MREG: variants seen among roughly 807,000 people sequenced by gnomAD.
MREG encodes melanoregulin.
Under a neutral mutation model 28.5 loss-of-function variants are expected in MREG, and 31 were observed. The ratio of observed to expected loss-of-function variants is 1.09; its 90% CI spans 0.82 to 1.47. The LOEUF (loss-of-function observed/expected upper bound fraction) is 1.47, where lower values mean the gene tolerates loss of function less well. Ranked by LOEUF, MREG falls within the 40% of genes most tolerant of loss-of-function variation. The pLI, the probability that MREG is intolerant of heterozygous loss-of-function variation, is 0.00. For synonymous variants in MREG, 106 were observed against 95.2 expected, an observed-to-expected ratio of 1.11 and a Z score of -0.66; for missense variants, 256 against 257.4, an observed-to-expected ratio of 0.99 and a Z score of 0.04.
chr2:216,029,103 T>C (rs995067706), intron 1 of MREG, among the ~76,000 whole-genome samples: 1 of 148,134 alleles, frequency 6.8e-6, no homozygotes, highest in Admixed American at 6.6e-5. Context: ...TATATTCATC[T>C]TTATTTATTT....
chr2:216,033,871 T>C (rs976169440), upstream of MREG: 3 of 152,046 alleles, frequency 2.0e-5, no homozygotes, highest in Non-Finnish European at 4.4e-5. Flanking sequence ...AAATCAGAAA[T>C]AGTGTTGTCC....
rs780110153 is a variant in MREG at position 215,996,380 on chromosome 2, G to A, written c.181C>T (p.His61Tyr). The stretch of plus-strand genomic sequence containing the variant: ...GTTCTGTCGTCGTCTGCCTCTGTGT[G>A]GGACACATCATGGGGCATACTCCAT... ...NLWSMPHDVS[H>Y]TEADDDRTLY... Residue 61 changes from histidine to tyrosine, a missense_variant, in exon 2 of 5, where the codon CAC becomes TAC. Transcript: ENST00000263268. 5 of 1,613,796 alleles carry A rather than the reference G, an allele frequency of 3.1e-6. No individual in the cohort carries two copies. Among genetic ancestry groups the A allele is most frequent in the Admixed American group, 1.7e-5 (1 of 60,004 alleles).
At chr2:215,988,800 A>C (rs1441976584) in intron 2 of MREG, among the ~76,000 whole-genome samples, 1 of 152,214 alleles carries the variant, frequency 6.6e-6, no homozygotes, top group Non-Finnish European at 1.5e-5. Context: ...GGGTGGAGCC[A>C]CTGCAGTTCA....
At chr2:215,986,415 C>A (rs1693573404) in intron 2 of MREG, among the ~76,000 whole-genome samples, 1 of 152,156 alleles carries the variant, frequency 6.6e-6, no homozygotes, top group African/African-American at 2.4e-5. Flanking sequence ...CAATGCCATT[C>A]AATATGTGGG....
At chr2:216,018,264 T>C (rs1413319679), upstream of MREG, among the ~76,000 whole-genome samples, 2 of 152,232 alleles carry the variant, frequency 1.3e-5, no homozygotes, top group African/African-American at 4.8e-5. Flanking sequence ...TTATTTGTTC[T>C]ACAAAAATTT....
chr2:216,013,186 G>A (rs1320092510), intron 1 of MREG, 47 bp downstream of exon 1: 88 of 1,520,942 alleles, frequency 5.8e-5, no homozygotes, highest in Non-Finnish European at 6.2e-6. Flanking sequence ...TCGGCGCCCG[G>A]CTACGGCCCA....
upstream of MREG, among the ~76,000 whole-genome samples, chr2:216,016,879 G>A (rs1694456103): frequency 6.6e-6 from 1 of 152,124 alleles, no homozygotes; most frequent in Admixed American, 6.5e-5. Flanking sequence ...GCCTTGCTAA[G>A]GATCACATCA....
At chr2:215,940,297 C>T (rs146493250), downstream of MREG, among the ~76,000 whole-genome samples, 29 of 152,212 alleles carry the variant, frequency 1.9e-4, no homozygotes, top group South Asian at 1.0e-3. Flanking sequence ...TCATCCTGTA[C>T]GTAGTTGTGA....
chr2:216,028,464 C>T (rs775943258), intron 1 of MREG, among the ~76,000 whole-genome samples: 1 of 142,434 alleles, frequency 7.0e-6, no homozygotes, highest in Non-Finnish European at 1.5e-5. Flanking sequence ...GGAGGCGGAG[C>T]TTGCAGTGAG....
intron 1 of MREG, among the ~76,000 whole-genome samples, chr2:216,011,504 CTAT>C (rs1338303508): frequency 6.6e-6 from 1 of 152,216 alleles, no homozygotes; most frequent in African/African-American, 2.4e-5. Flanking sequence ...GAAGTATGTA[CTAT>C]TATCATCCCC....
intron 2 of MREG, among the ~76,000 whole-genome samples, chr2:215,988,131 T>G (rs1231113001): frequency 1.3e-5 from 2 of 152,032 alleles, no homozygotes; most frequent in Non-Finnish European, 2.9e-5. Context: ...ACAGCTCCAG[T>G]CTGCAGCTCA....
intron 1 of MREG, among the ~76,000 whole-genome samples, chr2:216,010,812 T>C (rs1414826683): frequency 1.3e-5 from 2 of 150,842 alleles, no homozygotes; most frequent in Non-Finnish European, 3.0e-5. Context: ...TGATCAATGA[T>C]CGGCCAGGCG....
At chr2:215,948,547 A>G (rs186679494) in intron 2 of MREG, among the ~76,000 whole-genome samples, 1 of 152,380 alleles carries the variant, frequency 6.6e-6, no homozygotes, top group East Asian at 1.9e-4. Context: ...CATCATGTTA[A>G]GGCATACCTA....
At chr2:216,020,804 T>C (rs980417415) in intron 1 of MREG, among the ~76,000 whole-genome samples, 7 of 152,234 alleles carry the variant, frequency 4.6e-5, no homozygotes, top group African/African-American at 1.7e-4. Context: ...GGAATAGTCC[T>C]GTTGGGCCAA....
intron 2 of MREG, among the ~76,000 whole-genome samples, chr2:215,994,230 C>T (rs1355874564): frequency 6.6e-6 from 1 of 151,882 alleles, no homozygotes; most frequent in Admixed American, 6.6e-5. Context: ...TACTATGCAG[C>T]CATAAAAATG....
At chr2:215,997,621 G>T (rs954432978) in intron 1 of MREG, among the ~76,000 whole-genome samples, 2 of 152,190 alleles carry the variant, frequency 1.3e-5, no homozygotes, top group Non-Finnish European at 2.9e-5. Context: ...ATGATCACAT[G>T]ACTATAAAAT....
At chr2:216,025,435 G>C (rs1694581056) in intron 1 of MREG, among the ~76,000 whole-genome samples, 2 of 152,200 alleles carry the variant, frequency 1.3e-5, no homozygotes, top group African/African-American at 4.8e-5. Context: ...CTCTGAGATG[G>C]AATTTAGCAT....
chr2:216,013,133 G>T, intron 1 of MREG, 100 bp downstream of exon 1: 1 of 1,046,736 alleles, frequency 9.6e-7, no homozygotes, highest in Non-Finnish European at 1.4e-6. Context: ...CTTCCAGCAA[G>T]CCCACCTCCC....
chr2:216,023,471 C>A (rs916630749), intron 1 of MREG, among the ~76,000 whole-genome samples: 2 of 152,122 alleles, frequency 1.3e-5, no homozygotes, highest in African/African-American at 4.8e-5. Context: ...TAAGTAAATC[C>A]TCTCTTTTCT....
Sources: gnomAD v4.1 joint callset for allele counts (sites outside exome capture counted in the v4.1 genomes callset) on GRCh38, gnomAD v4.1.1 for gene constraint, MANE v1.5 for transcripts, NCBI Gene and HGNC (gene_info 2026-07-23, HGNC 2026-07-21) for gene names.